Variants in CDH13 observed in about 807,000 individuals in gnomAD.
The protein encoded by CDH13 is cadherin 13, also known as cadherin-13.
CDH13 carries 24 observed loss-of-function variants against 63.8 expected under a neutral mutation model. That is an observed-to-expected ratio of 0.38 (90% CI 0.27 to 0.53). The LOEUF is 0.53. Ranked by LOEUF, CDH13 falls within the 20% of genes least tolerant of loss-of-function variation. The pLI is 0.85. For synonymous variants in CDH13, 503 were observed against 355.3 expected (o/e 1.42, Z -4.67); for missense variants, 1,049 against 903.1 (o/e 1.16, Z -2.07).
At position 83,390,674 on chromosome 16, in the gene CDH13, T is replaced by G. The variant is rs908035206; in HGVS notation, c.781+45668T>G. The stretch of plus-strand genomic sequence containing the variant: ...ACAGCCATGGCCCGAGATCAGATTG[T>G]CTCCATGGATTCTAGTGCTCAGGGA... On this transcript the variant is annotated intron_variant, in intron 6 of 13. Transcript: ENST00000567109. Among the ~76,000 whole-genome samples the G allele has an allele frequency of 3.9e-5, 6 of 152,152 alleles. No homozygotes were observed. In the South Asian group the frequency reaches 1.2e-3, roughly 32 times the overall value.
chr16:83,052,995 A>G (rs1465530173), intron 3 of CDH13, among the ~76,000 whole-genome samples: 1 of 152,084 alleles, frequency 6.6e-6, no homozygotes, highest in Non-Finnish European at 1.5e-5. Context: ...GTGAGACCAT[A>G]AGCCTTGTGG....
At chr16:83,719,110 A>T (rs982415456) in intron 10 of CDH13, among the ~76,000 whole-genome samples, 3 of 152,150 alleles carry the variant, frequency 2.0e-5, no homozygotes, top group East Asian at 1.9e-4. Context: ...CAGCCCATTC[A>T]TCTCTTGGGG....
chr16:83,381,418 A>G (rs956425526), intron 6 of CDH13, among the ~76,000 whole-genome samples: 2 of 152,038 alleles, frequency 1.3e-5, no homozygotes, highest in African/African-American at 4.8e-5. Flanking sequence ...AGTGACTTTC[A>G]GTGTTGTGCG....
intron 13 of CDH13, among the ~76,000 whole-genome samples, chr16:83,792,882 GTAATCATTGTAAAAATGAAACC>G (rs965632419): frequency 9.2e-5 from 14 of 152,308 alleles, no homozygotes; most frequent in East Asian, 5.8e-4. Flanking sequence ...GGGTATAAGT[GTAATCATTGTAAAAATGAAACC>G]TAATCATTGT....
intron 6 of CDH13, among the ~76,000 whole-genome samples, chr16:83,418,063 A>G (rs997303269): frequency 1.3e-5 from 2 of 152,198 alleles, no homozygotes; most frequent in African/African-American, 4.8e-5. Flanking sequence ...ATCATGCAGT[A>G]GAACATGGCA....
chr16:83,785,780 C>G (rs994357090), intron 13 of CDH13, among the ~76,000 whole-genome samples: 1 of 152,150 alleles, frequency 6.6e-6, no homozygotes, highest in Non-Finnish European at 1.5e-5. Context: ...GAGCCCTACC[C>G]TATGGCTGGA....
intron 1 of CDH13, among the ~76,000 whole-genome samples, chr16:82,846,438 A>G (rs1280194378): frequency 6.6e-6 from 1 of 152,194 alleles, no homozygotes; most frequent in African/African-American, 2.4e-5. Context: ...GTCCTGAAAC[A>G]TTTGATTTGT....
At chr16:82,694,770 G>C (rs1486782225) in intron 1 of CDH13, among the ~76,000 whole-genome samples, 2 of 152,186 alleles carry the variant, frequency 1.3e-5, no homozygotes, top group Non-Finnish European at 2.9e-5. Flanking sequence ...AGGATTTACT[G>C]TGGGCAGACC....
At chr16:83,064,988 T>TA (rs34993361) in intron 3 of CDH13, among the ~76,000 whole-genome samples, 2 of 151,918 alleles carry the variant, frequency 1.3e-5, no homozygotes, top group Non-Finnish European at 2.9e-5. Context: ...CACTCTTAGC[T>TA]AAAAAAAATC....
chr16:83,587,289 G>A (rs1486376164), intron 7 of CDH13, among the ~76,000 whole-genome samples: 3 of 152,180 alleles, frequency 2.0e-5, no homozygotes, highest in South Asian at 2.1e-4. Context: ...CTGATTAAAC[G>A]TCTGAAATTA....
At chr16:82,964,557 C>T (rs1013541604) in intron 2 of CDH13, among the ~76,000 whole-genome samples, 8 of 152,116 alleles carry the variant, frequency 5.3e-5, no homozygotes, top group Non-Finnish European at 8.8e-5. Flanking sequence ...CCATCCGCCA[C>T]GTGGATTTAA....
chr16:83,536,962 A>G (rs986237908), intron 7 of CDH13, among the ~76,000 whole-genome samples: 1 of 152,238 alleles, frequency 6.6e-6, no homozygotes, highest in African/African-American at 2.4e-5. Context: ...CAGGTGTTTC[A>G]TCTTCTCAGT....
At chr16:82,854,741 T>A (rs1274795018) in intron 1 of CDH13, among the ~76,000 whole-genome samples, 1 of 152,244 alleles carries the variant, frequency 6.6e-6, no homozygotes, top group Admixed American at 6.5e-5. Flanking sequence ...TAGACTTCCC[T>A]ATACCCCAAC....
intron 10 of CDH13, among the ~76,000 whole-genome samples, chr16:83,684,514 G>A (rs976869781): frequency 2.0e-5 from 3 of 152,178 alleles, no homozygotes; most frequent in Non-Finnish European, 4.4e-5. Context: ...GGAGGCAGCC[G>A]GCAGCTAAAT....
chr16:83,665,924 C>G (rs1264949235), intron 8 of CDH13, among the ~76,000 whole-genome samples: 1 of 152,290 alleles, frequency 6.6e-6, no homozygotes, highest in East Asian at 1.9e-4. Context: ...ATCCAGGCAG[C>G]CTCATCCTGA....
At chr16:83,592,684 C>G (rs1242775083) in intron 7 of CDH13, among the ~76,000 whole-genome samples, 1 of 152,180 alleles carries the variant, frequency 6.6e-6, no homozygotes, top group Non-Finnish European at 1.5e-5. Flanking sequence ...CCTGCTGCTT[C>G]TCCACCCTGC....
intron 5 of CDH13, among the ~76,000 whole-genome samples, chr16:83,274,211 A>G (rs1486911045): frequency 6.6e-6 from 1 of 152,192 alleles, no homozygotes; most frequent in East Asian, 1.9e-4. Flanking sequence ...GCTGGGTGGG[A>G]TTGCTGGCAG....
At chr16:83,492,864 C>T (rs949848622) in intron 7 of CDH13, among the ~76,000 whole-genome samples, 5 of 152,128 alleles carry the variant, frequency 3.3e-5, no homozygotes, top group Non-Finnish European at 4.4e-5. Flanking sequence ...CACTGGTAAC[C>T]GTAACCACTT....
At chr16:82,687,695 T>G (rs1915219348) in intron 1 of CDH13, among the ~76,000 whole-genome samples, 1 of 152,060 alleles carries the variant, frequency 6.6e-6, no homozygotes, top group African/African-American at 2.4e-5. Flanking sequence ...CAATTCAAGA[T>G]GAAATGTGGC....
Sources: gnomAD v4.1 joint callset for allele counts (sites outside exome capture counted in the v4.1 genomes callset) on GRCh38, gnomAD v4.1.1 for gene constraint, MANE v1.5 for transcripts, NCBI Gene and HGNC (gene_info 2026-07-23, HGNC 2026-07-21) for gene names.